Variants in LYPD6 observed in about 807,000 individuals in gnomAD.
LYPD6 encodes ly6/PLAUR domain-containing protein 6.
Under a neutral mutation model 22.7 loss-of-function variants are expected in LYPD6, and 15 were observed. The observed-to-expected ratio is 0.66, with a 90% CI of 0.44 to 1.02. The LOEUF is 1.02. Among genes scored for constraint, LYPD6 ranks in the 50% least tolerant of loss-of-function variants. LYPD6 has a pLI of 0.00. For missense variants in LYPD6, 189 were observed against 208.4 expected, an observed-to-expected ratio of 0.91 and a Z score of 0.57; for synonymous variants, 72 against 77.5, an observed-to-expected ratio of 0.93 and a Z score of 0.37.
At chr2:149,423,098 C>T (rs1225177277) in intron 1 of LYPD6, among the ~76,000 whole-genome samples, 1 of 152,108 alleles carries the variant, frequency 6.6e-6, no homozygotes, top group East Asian at 1.9e-4. Context: ...AACACCAAGA[C>T]AGATAACCAT....
chr2:149,333,896 G>A (rs1235952390), intron 1 of LYPD6, among the ~76,000 whole-genome samples: 3 of 152,080 alleles, frequency 2.0e-5, no homozygotes, highest in Non-Finnish European at 4.4e-5. Context: ...AATGGAAGAG[G>A]GGACTCCAAA....
Position 149,472,146 on chromosome 2 carries a change from T to C in LYPD6, c.*1296T>C, listed in dbSNP as rs867394887. On this transcript the variant is annotated 3_prime_UTR_variant, in exon 5 of 5. Transcript: ENST00000334166. Reference sequence around the variant, plus strand: ...AGGCATAACTAGAAACTAAAATATATTCTAAAAAATTCATTATTCTGAACA... The same window carrying C: ...AGGCATAACTAGAAACTAAAATATACTCTAAAAAATTCATTATTCTGAACA... 5.9e-5 allele frequency: 9 copies of C among 152,324 alleles called. No homozygotes were observed. Among genetic ancestry groups the C allele is most frequent in the Non-Finnish European group, 1.0e-4 (7 of 68,030 alleles). 9.4% of individuals were successfully genotyped at this position (152,324 alleles called of 1,614,324 possible). A position where few individuals can be genotyped will look rare whatever the true frequency, so the allele number is the denominator to read the frequency against.
At chr2:149,448,404 G>C (rs1008219778) in intron 2 of LYPD6, among the ~76,000 whole-genome samples, 5 of 152,144 alleles carry the variant, frequency 3.3e-5, no homozygotes, top group Non-Finnish European at 7.4e-5. Context: ...ATTTTACTCT[G>C]TGTGTGTACA....
In LYPD6 at chr2:149,470,687, G is replaced by T; in HGVS notation, c.353G>T (p.Cys118Phe). 1 of 1,613,058 alleles carries T rather than the reference G, an allele frequency of 6.2e-7. No homozygotes were observed. Among genetic ancestry groups the T allele is most frequent in the Non-Finnish European group, 8.5e-7 (1 of 1,179,210 alleles). ...TTTTTTCTTCCTTTCTTTCAGGTCT[G>T]CACTTCTTGTTGTGAAGGAAATATC... ...RDSEHEGHKV[C>F]TSCCEGNICN... The change falls in exon 5 of 5, where the codon TGC (cysteine) becomes TTC (phenylalanine). Residue 118 changes from cysteine (C) to phenylalanine (F), a missense_variant. Physicochemically the swap from Cys to Phe is radical, Grantham distance 205. Transcript: ENST00000334166.
chr2:149,447,260 G>C (rs1683709513), intron 2 of LYPD6, among the ~76,000 whole-genome samples: 1 of 152,188 alleles, frequency 6.6e-6, no homozygotes, highest in African/African-American at 2.4e-5. Flanking sequence ...AGAAGGCCTT[G>C]GGTGCCCGCG....
chr2:149,390,890 A>G (rs1046356750), intron 1 of LYPD6, among the ~76,000 whole-genome samples: 1 of 152,224 alleles, frequency 6.6e-6, no homozygotes, highest in Non-Finnish European at 1.5e-5. Flanking sequence ...TATTGAGAAC[A>G]TATGCTGGAT....
intron 3 of LYPD6, among the ~76,000 whole-genome samples, chr2:149,454,365 G>A (rs1341239211): frequency 6.6e-6 from 1 of 152,180 alleles, no homozygotes; most frequent in Non-Finnish European, 1.5e-5. Context: ...CATATGTGGA[G>A]TTGTATAGAA....
chr2:149,400,799 A>C (rs1314945263), intron 1 of LYPD6, among the ~76,000 whole-genome samples: 1 of 152,234 alleles, frequency 6.6e-6, no homozygotes, highest in Non-Finnish European at 1.5e-5. Context: ...GCTTAAATGC[A>C]CTGTGTGTAT....
intron 1 of LYPD6, among the ~76,000 whole-genome samples, chr2:149,427,939 C>T (rs960620956): frequency 6.6e-6 from 1 of 152,358 alleles, no homozygotes; most frequent in South Asian, 2.1e-4. Flanking sequence ...TGGGGCAAGA[C>T]AGCTTTTCCC....
At chr2:149,464,027 G>C (rs1681145328) in intron 3 of LYPD6, 2 of 362,060 alleles carry the variant, frequency 5.5e-6, no homozygotes, top group Admixed American at 4.5e-5. Context: ...GGGGAAACTA[G>C]GTAAAAGGTG....
chr2:149,368,962 GAATTATT>G (rs1681742360), intron 1 of LYPD6, among the ~76,000 whole-genome samples: 1 of 152,108 alleles, frequency 6.6e-6, no homozygotes, highest in Non-Finnish European at 1.5e-5. Context: ...TTTAGTTTTG[GAATTATT>G]AATTATAGGA....
At chr2:149,464,963 G>A (rs918187032) in intron 3 of LYPD6, among the ~76,000 whole-genome samples, 32 of 152,092 alleles carry the variant, frequency 2.1e-4, no homozygotes, top group African/African-American at 3.6e-4. Context: ...GAGATAATGC[G>A]TTGGGTTGAG....
chr2:149,446,715 G>A (rs375883142), intron 2 of LYPD6, among the ~76,000 whole-genome samples: 2 of 152,270 alleles, frequency 1.3e-5, no homozygotes, highest in Non-Finnish European at 2.9e-5. Flanking sequence ...AGAGCACGCA[G>A]ATGGGCCCAT....
rs1681384604 is a variant in LYPD6 at position 149,473,278 on chromosome 2, G to C, written c.*2428G>C. The C allele has an allele frequency of 6.6e-6, 1 of 152,616 alleles. No individual in the cohort carries two copies. The highest frequency in any genetic ancestry group is 6.5e-5 in the Admixed American group (1 of 15,282). The allele number at this position is 152,616 out of a possible 1,614,324, so 9.5% of individuals were successfully genotyped here. On this transcript the variant is annotated 3_prime_UTR_variant, in exon 5 of 5. Coordinates refer to ENST00000334166, the MANE Select transcript of LYPD6 (RefSeq NM_194317.5). ...AGGGAGTGCTTGCAGACTCTGCATA[G>C]ATGTTGCTGCATGTGTCCCATGTGC...
intron 1 of LYPD6, among the ~76,000 whole-genome samples, chr2:149,437,330 A>C (rs1683455589): frequency 6.6e-6 from 1 of 152,120 alleles, no homozygotes; most frequent in South Asian, 2.1e-4. Context: ...GTACTCTGGC[A>C]GCCATCCCCT....
In LYPD6 at chr2:149,409,623, C is replaced by T. The variant is rs1183665282; in HGVS notation, c.-71-28015C>T. On this transcript the variant is annotated intron_variant, in intron 1 of 4. Transcript: ENST00000334166. ...GCATCTCTTTGGGTGGGGCTTGTTG[C>T]AGCTGTTGTGGGGGTTGGGAGTATG... 2.6e-5 allele frequency among the ~76,000 whole-genome samples: 4 copies of T among 152,054 alleles called. No homozygotes were observed. In the East Asian group the frequency reaches 7.7e-4, roughly 29 times the overall value.
chr2:149,387,018 T>C (rs1476306209), intron 1 of LYPD6, among the ~76,000 whole-genome samples: 1 of 152,048 alleles, frequency 6.6e-6, no homozygotes, highest in Non-Finnish European at 1.5e-5. Flanking sequence ...GGAATCTGTG[T>C]CTCCTGGAAA....
chr2:149,383,373 G>GT (rs1249943812), intron 1 of LYPD6, among the ~76,000 whole-genome samples: 1 of 152,046 alleles, frequency 6.6e-6, no homozygotes, highest in African/African-American at 2.4e-5. Context: ...TTAAAATTCA[G>GT]TTTTTTTGGG....
chr2:149,430,365 G>A (rs1203760642), intron 1 of LYPD6, among the ~76,000 whole-genome samples: 1 of 152,168 alleles, frequency 6.6e-6, no homozygotes, highest in Admixed American at 6.5e-5. Flanking sequence ...CTCCCAAAGT[G>A]CTGGGATTAC....
Sources: allele counts gnomAD v4.1 joint callset (sites outside exome capture counted in the v4.1 genomes callset), GRCh38; gene constraint gnomAD v4.1.1; transcripts MANE v1.5; gene names NCBI Gene and HGNC (gene_info 2026-07-23, HGNC 2026-07-21).